The following RBFOX1 variants were observed in gnomAD, a reference collection of about 807,000 sequenced individuals.
RBFOX1 encodes the protein RNA binding fox-1 homolog 1, also known as RNA binding protein fox-1 homolog 1.
RBFOX1 carries 8 observed loss-of-function variants against 57.7 expected under a neutral mutation model. The observed-to-expected ratio is 0.14, with a 90% CI of 0.08 to 0.25. The LOEUF (loss-of-function observed/expected upper bound fraction) is 0.25. Ranked by LOEUF, RBFOX1 falls within the 10% of genes least tolerant of loss-of-function variation. The pLI is 1.00. For missense variants in RBFOX1, 611 were observed against 548.5 expected (o/e 1.11, Z -1.14); for synonymous variants, 326 against 222.4 (o/e 1.47, Z -4.15).
At chr16:7,673,940 T>C (rs2072446017) in intron 13 of RBFOX1, among the ~76,000 whole-genome samples, 1 of 152,158 alleles carries the variant, frequency 6.6e-6, no homozygotes, top group Non-Finnish European at 1.5e-5. Flanking sequence ...CAATTGAAAG[T>C]GAGTGTTCCT....
At chr16:7,206,487 GCACA>G (rs61191143) in intron 4 of RBFOX1, among the ~76,000 whole-genome samples, 2 of 150,180 alleles carry the variant, frequency 1.3e-5, no homozygotes, top group East Asian at 2.0e-4. Context: ...ATATATATAT[GCACA>G]CACACACACA....
chr16:6,806,027 A>T (rs898965342), intron 3 of RBFOX1, among the ~76,000 whole-genome samples: 1 of 152,174 alleles, frequency 6.6e-6, no homozygotes, highest in Non-Finnish European at 1.5e-5. Context: ...TACTCAAAAT[A>T]TTTGCTAGTT....
At chr16:6,663,127 G>C (rs1200221285) in intron 3 of RBFOX1, among the ~76,000 whole-genome samples, 2 of 152,176 alleles carry the variant, frequency 1.3e-5, no homozygotes, top group Non-Finnish European at 2.9e-5. Flanking sequence ...AGGCAGACTG[G>C]AGGATGGGTC....
intron 3 of RBFOX1, among the ~76,000 whole-genome samples, chr16:6,678,400 A>G (rs1028336473): frequency 1.3e-5 from 2 of 152,056 alleles, no homozygotes; most frequent in Non-Finnish European, 2.9e-5. Context: ...CTGGGATTAC[A>G]GGCATGAGCC....
At chr16:7,634,731 G>C (rs556738980) in intron 11 of RBFOX1, among the ~76,000 whole-genome samples, 44 of 152,214 alleles carry the variant, frequency 2.9e-4, no homozygotes, top group African/African-American at 9.9e-4. Context: ...CGTCACCCCT[G>C]AACTTCATGC....
intron 2 of RBFOX1, among the ~76,000 whole-genome samples, chr16:5,525,830 C>G (rs968837856): frequency 6.6e-6 from 1 of 152,088 alleles, no homozygotes; most frequent in Non-Finnish European, 1.5e-5. Context: ...ACAGTTCCCT[C>G]TAACAAAGCT....
chr16:6,516,381 C>G (rs1041372206), intron 2 of RBFOX1, among the ~76,000 whole-genome samples: 3 of 152,168 alleles, frequency 2.0e-5, no homozygotes, highest in Non-Finnish European at 4.4e-5. Context: ...GCTTCAAACC[C>G]ATATCACATA....
At chr16:5,540,656 G>A (rs538010462) in intron 2 of RBFOX1, among the ~76,000 whole-genome samples, 1 of 152,108 alleles carries the variant, frequency 6.6e-6, no homozygotes, top group South Asian at 2.1e-4. Context: ...TTCTGGGTCT[G>A]ATCTCAGATT....
chr16:7,648,172 C>T (rs945749339), intron 11 of RBFOX1, among the ~76,000 whole-genome samples: 8 of 151,998 alleles, frequency 5.3e-5, no homozygotes, highest in Non-Finnish European at 1.0e-4. Context: ...TAGTGGCATG[C>T]GAAGAAGCCA....
chr16:6,860,035 G>A (rs1456757951), intron 3 of RBFOX1, among the ~76,000 whole-genome samples: 2 of 152,178 alleles, frequency 1.3e-5, no homozygotes, highest in Non-Finnish European at 1.5e-5. Context: ...AAGGGTACCT[G>A]ATGGAACGAG....
At chr16:6,647,738 G>C (rs1173903305) in intron 2 of RBFOX1, among the ~76,000 whole-genome samples, 1 of 152,084 alleles carries the variant, frequency 6.6e-6, no homozygotes, top group Non-Finnish European at 1.5e-5. Flanking sequence ...GGTGTGATGT[G>C]TTGCATTTTT....
rs561998596 is a variant in RBFOX1 at position 6,284,672 on chromosome 16, A to G, written c.-126-32323A>G. Among the ~76,000 whole-genome samples, 4 of 152,266 alleles carry G rather than the reference A, an allele frequency of 2.6e-5. No individual in the cohort carries two copies. In the South Asian group the frequency reaches 8.3e-4, roughly 32 times the overall value. On this transcript the variant is annotated intron_variant, in intron 1 of 15. Transcript: ENST00000550418. ...AGAGGTCCTTGGTTTCTTTCATGCCACTTTGTAAAGATGAACAACTATTCA... is the reference window on the plus strand; with the variant it reads ...AGAGGTCCTTGGTTTCTTTCATGCCGCTTTGTAAAGATGAACAACTATTCA...
At chr16:7,420,743 A>G (rs1188868887) in intron 4 of RBFOX1, among the ~76,000 whole-genome samples, 1 of 151,634 alleles carries the variant, frequency 6.6e-6, no homozygotes, top group Non-Finnish European at 1.5e-5. Flanking sequence ...AATTACATCT[A>G]GAGCATTTTT....
At chr16:5,472,679 C>T (rs1229194752) in intron 2 of RBFOX1, among the ~76,000 whole-genome samples, 3 of 152,158 alleles carry the variant, frequency 2.0e-5, no homozygotes, top group Non-Finnish European at 2.9e-5. Context: ...AAATTCACAG[C>T]GCCTTCCCTG....
intron 3 of RBFOX1, among the ~76,000 whole-genome samples, chr16:6,804,380 A>G (rs1318551250): frequency 6.6e-6 from 1 of 152,062 alleles, no homozygotes; most frequent in Non-Finnish European, 1.5e-5. Flanking sequence ...TTCTAATAGG[A>G]TCCCTAATGC....
At chr16:6,201,260 A>T (rs1355935966) in intron 1 of RBFOX1, among the ~76,000 whole-genome samples, 1 of 152,154 alleles carries the variant, frequency 6.6e-6, no homozygotes, top group Non-Finnish European at 1.5e-5. Flanking sequence ...CAGTGCTGCA[A>T]TGAACATAGA....
chr16:6,554,853 C>A (rs570265488), intron 2 of RBFOX1, among the ~76,000 whole-genome samples: 2 of 148,132 alleles, frequency 1.4e-5, no homozygotes, highest in Non-Finnish European at 2.9e-5. Flanking sequence ...CTCACTCTCG[C>A]TCTGTCGCTC....
intron 3 of RBFOX1, among the ~76,000 whole-genome samples, chr16:5,673,850 C>T (rs1279607493): frequency 6.6e-6 from 1 of 152,188 alleles, no homozygotes; most frequent in African/African-American, 2.4e-5. Flanking sequence ...TTAGCATTTC[C>T]CAGCTTAGCA....
intron 3 of RBFOX1, among the ~76,000 whole-genome samples, chr16:6,711,479 G>A (rs989364023): frequency 6.6e-6 from 1 of 152,170 alleles, no homozygotes; most frequent in Non-Finnish European, 1.5e-5. Context: ...CTGGTAGGAG[G>A]TGACTGGGTC....
Sources: allele counts gnomAD v4.1 joint callset (sites outside exome capture counted in the v4.1 genomes callset), GRCh38; gene constraint gnomAD v4.1.1; transcripts MANE v1.5; gene names NCBI Gene and HGNC (gene_info 2026-07-23, HGNC 2026-07-21).